Variants in SLCO3A1 observed in about 807,000 individuals in gnomAD.
The protein encoded by SLCO3A1 is PGE1 transporter.
SLCO3A1 carries 27 observed loss-of-function variants against 63.1 expected under a neutral mutation model. The observed-to-expected ratio is 0.43, with a 90% CI of 0.32 to 0.59. SLCO3A1 has a LOEUF of 0.59. Ranked by LOEUF, SLCO3A1 falls within the 20% of genes least tolerant of loss-of-function variation. The probability of loss-of-function intolerance (pLI) is 0.09; values close to 1 mark genes in which losing one functional copy is unlikely to be tolerated. For missense variants in SLCO3A1, 773 were observed against 945.8 expected, an observed-to-expected ratio of 0.82 and a Z score of 2.40; for synonymous variants, 473 against 409.9, an observed-to-expected ratio of 1.15 and a Z score of -1.86.
intron 2 of SLCO3A1, among the ~76,000 whole-genome samples, chr15:91,953,285 G>C (rs778021022): frequency 8.5e-5 from 13 of 152,212 alleles, no homozygotes; most frequent in Non-Finnish European, 8.8e-5. Context: ...TGTGTTCTTG[G>C]TGTGTTGCAG....
At chr15:91,864,767 C>T (rs1897126275) in intron 1 of SLCO3A1, among the ~76,000 whole-genome samples, 1 of 152,174 alleles carries the variant, frequency 6.6e-6, no homozygotes, top group South Asian at 2.1e-4. Context: ...TGAGTGTTCT[C>T]CTGTTGAGGT....
At chr15:91,946,072 T>C (rs1273595018) in intron 2 of SLCO3A1, among the ~76,000 whole-genome samples, 2 of 152,238 alleles carry the variant, frequency 1.3e-5, no homozygotes, top group Non-Finnish European at 2.9e-5. Context: ...TCAGGCATGA[T>C]CCTGCACTAG....
intron 2 of SLCO3A1, among the ~76,000 whole-genome samples, chr15:92,049,081 G>A (rs567814728): frequency 1.4e-4 from 21 of 152,298 alleles, no homozygotes; most frequent in African/African-American, 3.8e-4. Context: ...CTGGTCTGAC[G>A]TCAAAACCCA....
chr15:92,069,900 ATAGT>A (rs1044709878), intron 2 of SLCO3A1, among the ~76,000 whole-genome samples: 45 of 152,244 alleles, frequency 3.0e-4, no homozygotes, highest in Non-Finnish European at 1.2e-4. Flanking sequence ...AAAACGGGAA[ATAGT>A]TAAGATGACT....
intron 2 of SLCO3A1, among the ~76,000 whole-genome samples, chr15:91,971,776 G>A (rs1270157800): frequency 1.3e-5 from 2 of 152,182 alleles, no homozygotes; most frequent in East Asian, 1.9e-4. Context: ...ACAGAGGCTC[G>A]CAGGAACCTA....
chr15:91,978,826 A>C (rs1397511644), intron 2 of SLCO3A1, among the ~76,000 whole-genome samples: 1 of 152,224 alleles, frequency 6.6e-6, no homozygotes, highest in African/African-American at 2.4e-5. Flanking sequence ...CATCTAGTTC[A>C]AGGGTCAGCG....
At chr15:91,892,637 A>G (rs540189993) in intron 1 of SLCO3A1, among the ~76,000 whole-genome samples, 1 of 152,212 alleles carries the variant, frequency 6.6e-6, no homozygotes, top group African/African-American at 2.4e-5. Context: ...GACTGTGCCA[A>G]GCAAGCTCCT....
intron 2 of SLCO3A1, among the ~76,000 whole-genome samples, chr15:92,020,323 A>G (rs2046493450): frequency 6.6e-6 from 1 of 152,156 alleles, no homozygotes; most frequent in African/African-American, 2.4e-5. Flanking sequence ...ACATTTTTGT[A>G]AAGTCCCGAA....
At chr15:92,064,609 G>A (rs985429699) in intron 2 of SLCO3A1, among the ~76,000 whole-genome samples, 2 of 152,110 alleles carry the variant, frequency 1.3e-5, no homozygotes, top group Non-Finnish European at 2.9e-5. Context: ...CGATAGCCAA[G>A]ATATGAAATC....
At chr15:91,975,707 C>T (rs1199434205) in intron 2 of SLCO3A1, among the ~76,000 whole-genome samples, 3 of 152,244 alleles carry the variant, frequency 2.0e-5, no homozygotes, top group East Asian at 1.9e-4. Flanking sequence ...GCACAGCCTC[C>T]TCCTTCCTAC....
At chr15:92,162,163 T>C (rs1028313205) in intron 9 of SLCO3A1, 4 of 118,128 alleles carry the variant, frequency 3.4e-5, no homozygotes, top group Non-Finnish European at 5.0e-5. Context: ...TTTTTTGAGA[T>C]GGAGTCTTGC....
intron 7 of SLCO3A1, among the ~76,000 whole-genome samples, chr15:92,135,137 C>G (rs560782242): frequency 1.3e-5 from 2 of 152,248 alleles, no homozygotes; most frequent in African/African-American, 4.8e-5. Flanking sequence ...CCTCATGATG[C>G]AGGCAGGTTT....
Position 91,916,521 on chromosome 15 carries a change from GC to G in SLCO3A1, c.646+65del. On this transcript the variant is annotated intron_variant, in intron 2 of 9. Transcript: ENST00000318445. This position sits in a 1 kb window ranked among gnomAD's most constrained non-coding sequence, Gnocchi z 6.2. The stretch of plus-strand genomic sequence containing the variant: ...GTGTGTTGACCATGGATAAAAGGTG[GC>G]CTGGTGGACTTTGATTTTGCCAGAG... 2 of 1,287,054 alleles carry G rather than the reference GC, an allele frequency of 1.6e-6. No individual in the cohort carries two copies. Among genetic ancestry groups the G allele is most frequent in the Non-Finnish European group, 2.1e-6 (2 of 933,730 alleles). The allele number at this position is 1,287,054 out of a possible 1,614,324, so 79.7% of individuals were successfully genotyped here.
At chr15:92,072,143 C>A (rs753108135) in intron 2 of SLCO3A1, among the ~76,000 whole-genome samples, 1 of 151,450 alleles carries the variant, frequency 6.6e-6, no homozygotes, top group Non-Finnish European at 1.5e-5. Context: ...AAATGGAGGC[C>A]TTTTGGAAGA....
intron 4 of SLCO3A1, among the ~76,000 whole-genome samples, chr15:92,120,123 C>A (rs570759444): frequency 6.6e-6 from 1 of 152,052 alleles, no homozygotes; most frequent in South Asian, 2.1e-4. Context: ...AAACAAACCC[C>A]AAACCCTCTG....
intron 2 of SLCO3A1, among the ~76,000 whole-genome samples, chr15:92,002,168 G>T: frequency 6.6e-6 from 1 of 152,098 alleles, no homozygotes; most frequent in Non-Finnish European, 1.5e-5. Flanking sequence ...TGGATGTGTG[G>T]TTTTCCCATT....
intron 1 of SLCO3A1, among the ~76,000 whole-genome samples, chr15:91,891,016 A>G (rs78756708): frequency 0.011 from 1,661 of 152,294 alleles, 31 homozygotes; most frequent in African/African-American, 0.038. Context: ...TTGGCCCTTC[A>G]TGCAATTACA....
intron 2 of SLCO3A1, among the ~76,000 whole-genome samples, chr15:92,025,816 G>A (rs1017315736): frequency 3.3e-5 from 5 of 152,190 alleles, no homozygotes; most frequent in Non-Finnish European, 5.9e-5. Context: ...CTGATGCCGC[G>A]TGATGCATGG....
chr15:92,034,146 G>C (rs556392672), intron 2 of SLCO3A1, among the ~76,000 whole-genome samples: 1 of 151,672 alleles, frequency 6.6e-6, no homozygotes, highest in South Asian at 2.1e-4. Context: ...GAGGAGGAAA[G>C]TGGGGGCTGT....
Sources: allele counts gnomAD v4.1 joint callset (sites outside exome capture counted in the v4.1 genomes callset), GRCh38; gene constraint gnomAD v4.1.1; non-coding constraint Gnocchi (gnomAD v3.1); transcripts MANE v1.5; gene names NCBI Gene and HGNC (gene_info 2026-07-23, HGNC 2026-07-21).